METTL15: variants seen among roughly 807,000 people sequenced by gnomAD.
METTL15 encodes the protein methyltransferase 15, mitochondrial 12S rRNA N4-cytidine.
METTL15 carries 34 observed loss-of-function variants against 38.3 expected under a neutral mutation model. The observed-to-expected ratio is 0.89, with a 90% confidence interval of 0.68 to 1.18. The LOEUF is 1.18. METTL15 is among the 50% of genes most tolerant of loss of function. The probability of loss-of-function intolerance (pLI) is 0.00; values close to 1 mark genes in which losing one functional copy is unlikely to be tolerated. For missense variants in METTL15, 438 were observed against 498.4 expected, an observed-to-expected ratio of 0.88 and a Z score of 1.15; for synonymous variants, 162 against 170.9, an observed-to-expected ratio of 0.95 and a Z score of 0.41.
At chr11:28,291,463 G>GT (rs1257002898) in intron 5 of METTL15, among the ~76,000 whole-genome samples, 81 of 152,198 alleles carry the variant, frequency 5.3e-4, no homozygotes, top group African/African-American at 1.8e-3. Flanking sequence ...CTTAACTGTG[G>GT]TTTTTTCTCT....
intron 6 of METTL15, chr11:28,517,025 T>C (rs1276878313): frequency 6.6e-6 from 1 of 152,250 alleles, no homozygotes; most frequent in Non-Finnish European, 1.5e-5. Flanking sequence ...GATTGTATCC[T>C]TTCAGTGATG....
intron 3 of METTL15, among the ~76,000 whole-genome samples, chr11:28,131,428 G>C (rs192275459): frequency 1.3e-3 from 196 of 151,534 alleles, no homozygotes; most frequent in African/African-American, 4.5e-3. Flanking sequence ...GACTGGTTTT[G>C]GTAAAGTGTG....
chr11:28,483,419 C>T (rs1851413411), intron 6 of METTL15, among the ~76,000 whole-genome samples: 1 of 152,200 alleles, frequency 6.6e-6, no homozygotes, highest in African/African-American at 2.4e-5. Context: ...GCTTAAAATA[C>T]TGATCAAGAG....
At chr11:28,237,689 A>T (rs1854067989) in intron 4 of METTL15, among the ~76,000 whole-genome samples, 1 of 152,056 alleles carries the variant, frequency 6.6e-6, no homozygotes, top group African/African-American at 2.4e-5. Flanking sequence ...TGTTTTTTAG[A>T]GTTTCCACTT....
intron 4 of METTL15, among the ~76,000 whole-genome samples, chr11:28,251,777 A>T (rs1347431903): frequency 6.6e-6 from 1 of 151,896 alleles, no homozygotes; most frequent in Non-Finnish European, 1.5e-5. Context: ...GTACCACTTG[A>T]TCCCTTAAAA....
At chr11:28,443,186 T>C (rs1851049155) in intron 6 of METTL15, among the ~76,000 whole-genome samples, 1 of 152,194 alleles carries the variant, frequency 6.6e-6, no homozygotes, top group Admixed American at 6.5e-5. Flanking sequence ...AGTCCCACCA[T>C]GTAACAATCA....
At chr11:28,408,234 T>G (rs1238977929) in intron 5 of METTL15, among the ~76,000 whole-genome samples, 1 of 152,156 alleles carries the variant, frequency 6.6e-6, no homozygotes, top group Non-Finnish European at 1.5e-5. Flanking sequence ...GATGAGTTGA[T>G]AGGCGCAGCA....
intron 3 of METTL15, among the ~76,000 whole-genome samples, chr11:28,344,398 A>C (rs1258361031): frequency 6.6e-6 from 1 of 152,204 alleles, no homozygotes; most frequent in Non-Finnish European, 1.5e-5. Flanking sequence ...TCTAATTAAA[A>C]GTACAGGCTC....
At chr11:28,432,042 A>G (rs1160080972) in intron 6 of METTL15, among the ~76,000 whole-genome samples, 2 of 152,150 alleles carry the variant, frequency 1.3e-5, no homozygotes, top group Non-Finnish European at 2.9e-5. Context: ...AAGGGTGAAG[A>G]AAAGACTTCA....
intron 4 of METTL15, among the ~76,000 whole-genome samples, chr11:28,254,666 C>T (rs1427538155): frequency 6.6e-6 from 1 of 152,042 alleles, no homozygotes; most frequent in Non-Finnish European, 1.5e-5. Context: ...TTGTATATGG[C>T]AAGAGATAGG....
intron 4 of METTL15, among the ~76,000 whole-genome samples, chr11:28,248,076 TATC>T (rs1306212487): frequency 2.0e-5 from 3 of 152,122 alleles, no homozygotes; most frequent in African/African-American, 7.2e-5. Flanking sequence ...CTATAAATCT[TATC>T]ATCCACTGGT....
intron 5 of METTL15, among the ~76,000 whole-genome samples, chr11:28,414,213 T>A (rs562751373): frequency 6.6e-6 from 1 of 152,192 alleles, no homozygotes; most frequent in Admixed American, 6.6e-5. Flanking sequence ...GGTCACCTGA[T>A]GGAACCTGGA....
intron 6 of METTL15, among the ~76,000 whole-genome samples, chr11:28,425,668 G>A (rs959452805): frequency 2.0e-5 from 3 of 152,116 alleles, no homozygotes; most frequent in Non-Finnish European, 2.9e-5. Context: ...TCCTATCAGA[G>A]CGTTGTAGTA....
chr11:28,196,783 G>GAAAGTTGT (rs2133812822), intron 3 of METTL15, among the ~76,000 whole-genome samples: 1 of 151,820 alleles, frequency 6.6e-6, no homozygotes, highest in South Asian at 2.1e-4. Context: ...TGGCCACTTT[G>GAAAGTTGT]AAAGTTGTAT....
At chr11:28,515,289 T>G (rs887744690) in intron 6 of METTL15, among the ~76,000 whole-genome samples, 13 of 152,218 alleles carry the variant, frequency 8.5e-5, no homozygotes, top group Non-Finnish European at 1.5e-4. Flanking sequence ...CTTATAAACC[T>G]TGTACTAGTA....
chr11:28,304,242 G>A (rs899417774), intron 6 of METTL15, among the ~76,000 whole-genome samples: 7 of 152,046 alleles, frequency 4.6e-5, no homozygotes, highest in Non-Finnish European at 1.0e-4. Context: ...TCTTCCCTTA[G>A]GAGTTATGTG....
intron 5 of METTL15, among the ~76,000 whole-genome samples, chr11:28,372,303 C>T (rs776445488): frequency 2.0e-4 from 31 of 152,020 alleles, no homozygotes; most frequent in Non-Finnish European, 3.8e-4. Context: ...GTTGAACCCT[C>T]GTTGCATCCC....
chr11:28,410,357 G>A (rs1484723723), intron 5 of METTL15, among the ~76,000 whole-genome samples: 1 of 152,066 alleles, frequency 6.6e-6, no homozygotes, highest in African/African-American at 2.4e-5. Flanking sequence ...AATGAACATT[G>A]ATGCAAAAAT....
chr11:28,429,969 C>G (rs1191123682), intron 6 of METTL15, among the ~76,000 whole-genome samples: 1 of 128,576 alleles, frequency 7.8e-6, no homozygotes, highest in African/African-American at 2.9e-5. Context: ...TCTGCCCGGC[C>G]GCCCATCGTC....
Sources: gnomAD v4.1 joint callset for allele counts (sites outside exome capture counted in the v4.1 genomes callset) on GRCh38, gnomAD v4.1.1 for gene constraint, MANE v1.5 for transcripts, NCBI Gene and HGNC (gene_info 2026-07-23, HGNC 2026-07-21) for gene names.